CNTNAP2: variants seen among roughly 807,000 people sequenced by gnomAD.
The protein encoded by CNTNAP2 is contactin associated protein 2, also known as contactin-associated protein-like 2.
A neutral mutation model predicts 155.2 loss-of-function variants in CNTNAP2; 98 were observed. The ratio of observed to expected loss-of-function variants is 0.63; its 90% CI spans 0.54 to 0.75. CNTNAP2 has a LOEUF of 0.75. Ranked by LOEUF, CNTNAP2 falls within the 30% of genes least tolerant of loss-of-function variation. The pLI is 0.00. For missense variants in CNTNAP2, 1,727 were observed against 1,688.1 expected, an observed-to-expected ratio of 1.02 and a Z score of -0.40; for synonymous variants, 651 against 631.2, an observed-to-expected ratio of 1.03 and a Z score of -0.47.
chr7:147,393,246 C>A (rs1461280305), intron 9 of CNTNAP2, among the ~76,000 whole-genome samples: 1 of 151,946 alleles, frequency 6.6e-6, no homozygotes. Context: ...GAATATATCT[C>A]CTATTGGAAA....
chr7:148,373,500 A>T (rs368882762), intron 21 of CNTNAP2, among the ~76,000 whole-genome samples: 16 of 152,324 alleles, frequency 1.1e-4, no homozygotes, highest in Admixed American at 3.9e-4. Flanking sequence ...AAATAATGAT[A>T]AAAAGCACAT....
chr7:146,188,338 C>G (rs1181268822), intron 1 of CNTNAP2, among the ~76,000 whole-genome samples: 1 of 152,138 alleles, frequency 6.6e-6, no homozygotes. Context: ...ACATAGAACT[C>G]AAAGTATATT....
intron 19 of CNTNAP2, among the ~76,000 whole-genome samples, chr7:148,224,142 T>C (rs760563280): frequency 9.2e-5 from 14 of 151,890 alleles, no homozygotes; most frequent in Non-Finnish European, 1.6e-4. Flanking sequence ...GAATAAGAGA[T>C]GAATCAAGGC....
intron 1 of CNTNAP2, among the ~76,000 whole-genome samples, chr7:146,397,781 A>C (rs1406981699): frequency 6.6e-6 from 1 of 152,208 alleles, no homozygotes; most frequent in African/African-American, 2.4e-5. Flanking sequence ...CCAAAAGAGA[A>C]AGAACAAAAT....
intron 9 of CNTNAP2, among the ~76,000 whole-genome samples, chr7:147,359,337 T>A (rs973831742): frequency 6.6e-6 from 1 of 152,198 alleles, no homozygotes; most frequent in African/African-American, 2.4e-5. Context: ...CCCGAGCCCC[T>A]ATAGCTGTCA....
chr7:146,692,657 A>C (rs188381250), intron 1 of CNTNAP2, among the ~76,000 whole-genome samples: 42 of 152,220 alleles, frequency 2.8e-4, no homozygotes, highest in Middle Eastern at 3.4e-3. Context: ...ACTTTGGACA[A>C]TCCCTTGATC....
intron 8 of CNTNAP2, among the ~76,000 whole-genome samples, chr7:147,172,241 A>G (rs1291015639): frequency 1.3e-5 from 2 of 152,168 alleles, no homozygotes; most frequent in Non-Finnish European, 2.9e-5. Context: ...TGACATTTAT[A>G]GCATCCTATG....
intron 3 of CNTNAP2, among the ~76,000 whole-genome samples, chr7:146,930,711 CAT>C (rs760171535): frequency 4.6e-5 from 7 of 152,054 alleles, no homozygotes; most frequent in Non-Finnish European, 1.0e-4. Flanking sequence ...CAGAGACACA[CAT>C]AGGCTCAAAA....
At chr7:148,079,243 C>T (rs73744738) in intron 15 of CNTNAP2, among the ~76,000 whole-genome samples, 4,360 of 152,278 alleles carry the variant, frequency 0.029, 208 homozygotes, top group African/African-American at 0.1. Context: ...GGACATAAGA[C>T]ATCACTCGAT....
intron 1 of CNTNAP2, among the ~76,000 whole-genome samples, chr7:146,136,793 C>T (rs998089158): frequency 6.6e-6 from 1 of 152,164 alleles, no homozygotes; most frequent in Non-Finnish European, 1.5e-5. Flanking sequence ...CCCTCTCATT[C>T]AATATCCAGC....
chr7:148,254,257 C>T (rs1331388237), intron 20 of CNTNAP2, among the ~76,000 whole-genome samples: 4 of 152,106 alleles, frequency 2.6e-5, no homozygotes, highest in Non-Finnish European at 5.9e-5. Context: ...TTATCCTGGT[C>T]GTAGTTTCAT....
At chr7:148,022,169 T>G (rs1034622728) in intron 15 of CNTNAP2, among the ~76,000 whole-genome samples, 3 of 143,370 alleles carry the variant, frequency 2.1e-5, no homozygotes, top group Non-Finnish European at 4.6e-5. Flanking sequence ...GGCTTTTTGA[T>G]GACAAAAAGA....
chr7:146,986,692 C>A (rs994574806), intron 3 of CNTNAP2, among the ~76,000 whole-genome samples: 2 of 151,986 alleles, frequency 1.3e-5, no homozygotes, highest in African/African-American at 4.8e-5. Flanking sequence ...TTGATTATGG[C>A]CATTCTTGTA....
At chr7:146,230,190 G>T (rs1308190987) in intron 1 of CNTNAP2, among the ~76,000 whole-genome samples, 1 of 152,166 alleles carries the variant, frequency 6.6e-6, no homozygotes, top group Non-Finnish European at 1.5e-5. Flanking sequence ...CTAACTATAG[G>T]TAGGGACATT....
intron 9 of CNTNAP2, among the ~76,000 whole-genome samples, chr7:147,337,561 G>C (rs758844004): frequency 2.0e-5 from 3 of 152,080 alleles, no homozygotes; most frequent in Non-Finnish European, 2.9e-5. Context: ...AAAAAAGTTT[G>C]AACAACAATA....
chr7:147,103,675 T>G (rs1037827840), intron 4 of CNTNAP2, among the ~76,000 whole-genome samples: 7 of 151,952 alleles, frequency 4.6e-5, no homozygotes, highest in Non-Finnish European at 7.4e-5. Flanking sequence ...ATAAAAGAAG[T>G]CTTTAATTTT....
chr7:147,933,124 G>C (rs1376195222), intron 14 of CNTNAP2, among the ~76,000 whole-genome samples: 2 of 151,874 alleles, frequency 1.3e-5, no homozygotes, highest in African/African-American at 4.8e-5. Flanking sequence ...CTGTCTCCCA[G>C]GCTGGATGGC....
At chr7:146,814,166 G>A (rs1034138591) in intron 2 of CNTNAP2, among the ~76,000 whole-genome samples, 1 of 152,044 alleles carries the variant, frequency 6.6e-6, no homozygotes, top group Admixed American at 6.6e-5. Flanking sequence ...ATAAATCAAA[G>A]TCAGCTGTAC....
intron 1 of CNTNAP2, among the ~76,000 whole-genome samples, chr7:146,369,119 A>C (rs1408843883): frequency 6.7e-6 from 1 of 149,816 alleles, no homozygotes; most frequent in Non-Finnish European, 1.5e-5. Flanking sequence ...GTTTTATTGT[A>C]CTTCCAAATC....
Sources: gnomAD v4.1 joint callset for allele counts (sites outside exome capture counted in the v4.1 genomes callset) on GRCh38, gnomAD v4.1.1 for gene constraint, MANE v1.5 for transcripts, NCBI Gene and HGNC (gene_info 2026-07-23, HGNC 2026-07-21) for gene names.